MFAP3L: variants seen among roughly 807,000 people sequenced by gnomAD.
The protein encoded by MFAP3L is microfibril associated protein 3 like.
Under a neutral mutation model 20.0 loss-of-function variants are expected in MFAP3L, and 5 were observed. The ratio of observed to expected loss-of-function variants is 0.25; its 90% CI spans 0.13 to 0.53. MFAP3L has a LOEUF of 0.53. MFAP3L is among the 20% of genes least tolerant of loss of function. MFAP3L has a pLI of 0.96. For synonymous variants in MFAP3L, 219 were observed against 213.0 expected, an observed-to-expected ratio of 1.03 and a Z score of -0.25; for missense variants, 409 against 527.5, an observed-to-expected ratio of 0.78 and a Z score of 2.20.
At chr4:170,021,517 A>C (rs1406906287) in intron 1 of MFAP3L, among the ~76,000 whole-genome samples, 1 of 152,224 alleles carries the variant, frequency 6.6e-6, no homozygotes, top group Non-Finnish European at 1.5e-5. Flanking sequence ...ATTAGGATAA[A>C]TTTTAGTCAA....
rs771779329 is a variant in MFAP3L at position 169,991,911 on chromosome 4, A to G, written c.697T>C (p.Tyr233His). The stretch of plus-strand genomic sequence containing the variant: ...ACGCTCCTGGCAAGCTCTTCGATGT[A>G]GCGGGCGAACTCCATGGTTTTGAAC... ...TQFKTMEFAR[Y>H]IEELARSVPL... The change falls in exon 3 of 3, where the codon TAC (tyrosine) becomes CAC (histidine). Residue 233 changes from tyrosine (Y) to histidine (H), a missense_variant. Tyr to His is a moderately conservative substitution (Grantham distance 83). This residue lies in a region of MFAP3L where 127 missense variants were observed against 218.1 expected (regional missense o/e 0.58). Coordinates refer to ENST00000361618, the MANE Select transcript of MFAP3L (RefSeq NM_021647.8). The surrounding 1 kb of genome is among the most constrained non-coding windows in gnomAD (Gnocchi z 4.9). 3 of 1,614,186 alleles carry G rather than the reference A, an allele frequency of 1.9e-6. No homozygotes were observed. Among genetic ancestry groups the G allele is most frequent in the East Asian group, 4.5e-5 (2 of 44,878 alleles).
rs921302397 is a variant in MFAP3L, at chr4:169,990,233, C to A, written c.*1145G>T. The A allele has an allele frequency of 1.3e-5, 2 of 152,220 alleles. No homozygotes were observed. Among genetic ancestry groups the A allele is most frequent in the African/African-American group, 4.8e-5 (2 of 41,458 alleles). 9.4% of individuals were successfully genotyped at this position (152,220 alleles called of 1,614,324 possible). On this transcript the variant is annotated 3_prime_UTR_variant, in exon 3 of 3. Coordinates refer to ENST00000361618, the MANE Select transcript of MFAP3L (RefSeq NM_021647.8). Reference sequence around the variant, plus strand: ...ATATAACCACTTTCTTGCAGGACTGCATAATTATTCAACAGTTTTGGCATA... The same window carrying A: ...ATATAACCACTTTCTTGCAGGACTGAATAATTATTCAACAGTTTTGGCATA...
chr4:170,006,113 T>A, intron 1 of MFAP3L, 103 bp from the exon 2 acceptor site: 10 of 794,930 alleles, frequency 1.3e-5, no homozygotes, highest in Non-Finnish European at 1.6e-5. Context: ...AACATCAACA[T>A]ACTTTTTTTT....
At chr4:170,018,558 T>C (rs1739838971) in intron 1 of MFAP3L, among the ~76,000 whole-genome samples, 1 of 152,004 alleles carries the variant, frequency 6.6e-6, no homozygotes, top group Non-Finnish European at 1.5e-5. Flanking sequence ...CAAGAAGACA[T>C]CAGAAGTCCA....
intron 1 of MFAP3L, among the ~76,000 whole-genome samples, chr4:170,007,867 G>A (rs72972959): frequency 0.14 from 21,133 of 152,016 alleles, 3,811 homozygotes; most frequent in African/African-American, 0.41. Context: ...CAGAGACAAG[G>A]CAGGTTGGGA....
chr4:170,020,696 G>A (rs1307373186), intron 1 of MFAP3L, among the ~76,000 whole-genome samples: 1 of 140,516 alleles, frequency 7.1e-6, no homozygotes, highest in Non-Finnish European at 1.5e-5. Context: ...ACCCCAGCAA[G>A]TTCTCTTTCC....
At chr4:170,006,351 G>A (rs1283118596) in intron 1 of MFAP3L, among the ~76,000 whole-genome samples, 3 of 152,222 alleles carry the variant, frequency 2.0e-5, no homozygotes, top group Admixed American at 2.0e-4. Context: ...GACCTCAGGT[G>A]ATCCACCCAC....
rs1455083879 is a variant in MFAP3L, at chr4:169,988,596, T to C, written c.*2782A>G. ...ATTTCTATGAAGCTGAACAGTTCACTTTATCTTTGAAAAATCAGCTGAAAG... is the reference window on the plus strand; with the variant it reads ...ATTTCTATGAAGCTGAACAGTTCACCTTATCTTTGAAAAATCAGCTGAAAG... On this transcript the variant is annotated 3_prime_UTR_variant, in exon 3 of 3. Coordinates refer to ENST00000361618, the MANE Select transcript of MFAP3L (RefSeq NM_021647.8). 1 of 151,794 alleles carries C rather than the reference T, an allele frequency of 6.6e-6. No homozygotes were observed. The highest frequency in any genetic ancestry group is 1.5e-5 in the Non-Finnish European group (1 of 68,030). 9.4% of individuals were successfully genotyped at this position (151,794 alleles called of 1,614,324 possible). A position where few individuals can be genotyped will look rare whatever the true frequency, so the allele number is the denominator to read the frequency against.
rs62344670 is a variant in MFAP3L at position 170,017,488 on chromosome 4, G to A, written c.-134+8746C>T. ...CCTGTGATTCTGCCCACACAACAGC[G>A]TAAGAATCTGGGGCCAAGCCACCAA... On this transcript the variant is annotated intron_variant, in intron 1 of 2. Transcript: ENST00000361618. Among the ~76,000 whole-genome samples, 1,032 of 152,210 alleles carry A rather than the reference G, an allele frequency of 6.8e-3. 7 individuals are homozygous for A. The highest frequency in any genetic ancestry group is 0.012 in the Non-Finnish European group (802 of 68,014).
intron 2 of MFAP3L, among the ~76,000 whole-genome samples, chr4:170,003,508 C>T (rs977735658): frequency 8.5e-5 from 13 of 152,178 alleles, no homozygotes; most frequent in African/African-American, 3.1e-4. Context: ...TAAGATACCA[C>T]ATATGTATCT....
chr4:169,996,759 C>A (rs1034678345), intron 2 of MFAP3L, among the ~76,000 whole-genome samples: 5 of 152,118 alleles, frequency 3.3e-5, no homozygotes, highest in Non-Finnish European at 7.4e-5. Flanking sequence ...TTATATCTAT[C>A]CTGCAGGAGA....
intron 1 of MFAP3L, among the ~76,000 whole-genome samples, chr4:170,008,276 C>G (rs1739170074): frequency 6.6e-6 from 1 of 152,118 alleles, no homozygotes; most frequent in Non-Finnish European, 1.5e-5. Context: ...CACTAAGGTA[C>G]AGAAGACATA....
At chr4:169,998,309 T>G (rs1037591119) in intron 2 of MFAP3L, among the ~76,000 whole-genome samples, 8 of 152,226 alleles carry the variant, frequency 5.3e-5, no homozygotes, top group African/African-American at 1.9e-4. Flanking sequence ...GATTCTATGG[T>G]ACAGGGGTGA....
rs1184283231 is a variant in MFAP3L, at chr4:169,992,989, T to A, written c.299-680A>T. Among the ~76,000 whole-genome samples, 1 of 152,220 alleles carries A rather than the reference T, an allele frequency of 6.6e-6. No homozygotes were observed. The highest frequency in any genetic ancestry group is 2.1e-4 in the South Asian group (1 of 4,830). On this transcript the variant is annotated intron_variant, in intron 2 of 2. Coordinates refer to ENST00000361618, the MANE Select transcript of MFAP3L (RefSeq NM_021647.8). The surrounding 1 kb of genome is among the most constrained non-coding windows in gnomAD (Gnocchi z 4.3). ...GAGGCTGGATATGAATTAATATCAATTTGTTTTAGCCTTGCAAATAAATTA... is the reference window on the plus strand; with the variant it reads ...GAGGCTGGATATGAATTAATATCAAATTGTTTTAGCCTTGCAAATAAATTA...
rs1473075116 is a variant in MFAP3L at position 169,986,628 on chromosome 4, G to A, written c.*4750C>T. 4 of 152,162 alleles carry A rather than the reference G, an allele frequency of 2.6e-5. No homozygotes were observed. Among genetic ancestry groups the A allele is most frequent in the Admixed American group, 1.3e-4 (2 of 15,268 alleles). The allele number at this position is 152,162 out of a possible 1,614,324, so 9.4% of individuals were successfully genotyped here. On this transcript the variant is annotated 3_prime_UTR_variant, in exon 3 of 3. Coordinates refer to ENST00000361618, the MANE Select transcript of MFAP3L (RefSeq NM_021647.8). ...ACAGCTGTGCAAACCCTTTATTAAAGCATCAATCAAAATACAGGATGGATC... is the reference window on the plus strand; with the variant it reads ...ACAGCTGTGCAAACCCTTTATTAAAACATCAATCAAAATACAGGATGGATC...
intron 2 of MFAP3L, among the ~76,000 whole-genome samples, chr4:169,998,589 C>T (rs1016626228): frequency 6.6e-6 from 1 of 151,946 alleles, no homozygotes; most frequent in Non-Finnish European, 1.5e-5. Flanking sequence ...CTTGAGAAAG[C>T]TGACTGAAAA....
intron 1 of MFAP3L, among the ~76,000 whole-genome samples, chr4:170,011,827 C>A: frequency 6.6e-6 from 1 of 152,140 alleles, no homozygotes; most frequent in East Asian, 1.9e-4. Flanking sequence ...TTGGATGAGC[C>A]AGGAAGAATT....
At chr4:170,017,054 A>G (rs543197517) in intron 1 of MFAP3L, among the ~76,000 whole-genome samples, 1 of 152,336 alleles carries the variant, frequency 6.6e-6, no homozygotes, top group Non-Finnish European at 1.5e-5. Context: ...TTGTTTGATT[A>G]AGACCATTCA....
At chr4:170,001,198 T>A (rs1002186452) in intron 2 of MFAP3L, among the ~76,000 whole-genome samples, 6 of 152,224 alleles carry the variant, frequency 3.9e-5, no homozygotes, top group Non-Finnish European at 1.5e-5. Context: ...TACAGTCTTA[T>A]CACTGGCTGA....
Sources: allele counts gnomAD v4.1 joint callset (sites outside exome capture counted in the v4.1 genomes callset), GRCh38; gene constraint gnomAD v4.1.1; regional missense constraint gnomAD v4.1.1; non-coding constraint Gnocchi (gnomAD v3.1); transcripts MANE v1.5; gene names NCBI Gene and HGNC (gene_info 2026-07-23, HGNC 2026-07-21).